The following OPCML variants were observed in gnomAD, a reference collection of about 807,000 sequenced individuals.
The protein encoded by OPCML is opioid-binding protein/cell adhesion molecule.
Under a neutral mutation model 37.8 loss-of-function variants are expected in OPCML, and 13 were observed. The observed-to-expected ratio is 0.34, with a 90% CI of 0.22 to 0.55. OPCML has a LOEUF of 0.55. OPCML is among the 20% of genes least tolerant of loss of function. The pLI is 0.91. For synonymous variants in OPCML, 176 were observed against 168.8 expected (o/e 1.04, Z -0.33); for missense variants, 341 against 435.6 (o/e 0.78, Z 1.93).
intron 4 of OPCML, among the ~76,000 whole-genome samples, chr11:132,447,359 C>T (rs920316234): frequency 5.1e-4 from 77 of 152,224 alleles, no homozygotes; most frequent in African/African-American, 1.7e-3. Flanking sequence ...AGTGCAGTGG[C>T]GCAATCTTGG....
At chr11:132,666,287 T>A (rs928064381) in intron 2 of OPCML, among the ~76,000 whole-genome samples, 1 of 150,532 alleles carries the variant, frequency 6.6e-6, no homozygotes, top group Admixed American at 6.6e-5. Context: ...GAAAGGGGAG[T>A]TGGTATCACA....
chr11:132,469,639 T>C (rs1167170117), intron 4 of OPCML, among the ~76,000 whole-genome samples: 13 of 126,264 alleles, frequency 1.0e-4, no homozygotes, highest in African/African-American at 3.8e-4. Flanking sequence ...TGTGTGTATG[T>C]GTGTGGGGGT....
At chr11:132,450,728 G>A (rs941928515) in intron 4 of OPCML, among the ~76,000 whole-genome samples, 1 of 152,192 alleles carries the variant, frequency 6.6e-6, no homozygotes, top group African/African-American at 2.4e-5. Flanking sequence ...AAAGTAAGAT[G>A]CAGGGTGATT....
At chr11:133,101,754 A>G (rs1334192057) in intron 1 of OPCML, among the ~76,000 whole-genome samples, 1 of 152,186 alleles carries the variant, frequency 6.6e-6, no homozygotes, top group African/African-American at 2.4e-5. Context: ...TGCCCATAAA[A>G]ACGCCTGCAC....
At position 132,784,477 on chromosome 11, in the gene OPCML, T is replaced by G. The variant is rs191297362; in HGVS notation, c.147-127158A>C. On this transcript the variant is annotated intron_variant, in intron 2 of 7. Transcript: ENST00000524381. ...ACTCCTCTGCCTGCCTTTGAGTCTC[T>G]GCCAAAACACAAGTGATGGTGGCTG... Among the ~76,000 whole-genome samples the G allele has an allele frequency of 4.4e-3, 673 of 152,272 alleles. 3 individuals are homozygous for G. The highest frequency in any genetic ancestry group is 0.016 in the African/African-American group (650 of 41,566).
At chr11:133,284,412 G>A (rs1363455544) in intron 1 of OPCML, among the ~76,000 whole-genome samples, 1 of 152,212 alleles carries the variant, frequency 6.6e-6, no homozygotes, top group Non-Finnish European at 1.5e-5. Flanking sequence ...AAGTCATTGT[G>A]AGCTGGGAGG....
At chr11:133,256,812 G>A (rs1434338442) in intron 1 of OPCML, among the ~76,000 whole-genome samples, 1 of 152,128 alleles carries the variant, frequency 6.6e-6, no homozygotes, top group African/African-American at 2.4e-5. Context: ...GGGAGTGACT[G>A]GTATTCTGTA....
chr11:132,519,268 G>A (rs1482838240), intron 4 of OPCML, among the ~76,000 whole-genome samples: 1 of 152,122 alleles, frequency 6.6e-6, no homozygotes, highest in Non-Finnish European at 1.5e-5. Flanking sequence ...GAGGGAAGGT[G>A]GGGGTCAATG....
chr11:132,443,467 G>A (rs548659132), intron 4 of OPCML, among the ~76,000 whole-genome samples: 4 of 152,162 alleles, frequency 2.6e-5, no homozygotes, highest in South Asian at 2.1e-4. Context: ...TATTACAGAC[G>A]ATCCTGATCA....
chr11:133,523,722 C>A lies in OPCML; in HGVS notation c.61+8542G>T, dbSNP rs1411208321. 2.6e-5 allele frequency among the ~76,000 whole-genome samples: 4 copies of A among 152,318 alleles called. No individual in the cohort carries two copies. The South Asian group carries it at 8.3e-4, about 32-fold the overall frequency. ...CCAGCCTCATCTTGGCCCATGCTTT[C>A]TTCCTCTACACTCCAGTCAGGTGGG... On this transcript the variant is annotated intron_variant, in intron 1 of 7. Transcript: ENST00000524381.
intron 1 of OPCML, among the ~76,000 whole-genome samples, chr11:132,969,530 C>A (rs908706396): frequency 6.6e-6 from 1 of 152,054 alleles, no homozygotes; most frequent in Non-Finnish European, 1.5e-5. Context: ...GTTCTGGGAC[C>A]CCCCCTGCAA....
At chr11:133,380,275 AT>A (rs1944903369) in intron 1 of OPCML, among the ~76,000 whole-genome samples, 1 of 152,202 alleles carries the variant, frequency 6.6e-6, no homozygotes, top group Non-Finnish European at 1.5e-5. Context: ...AATAAAGACA[AT>A]TTCAAAAGGC....
At chr11:132,492,850 A>C (rs2137077521) in intron 4 of OPCML, among the ~76,000 whole-genome samples, 1 of 152,318 alleles carries the variant, frequency 6.6e-6, no homozygotes, top group Admixed American at 6.5e-5. Flanking sequence ...CTCAGTAAAT[A>C]TTTTGAATGA....
intron 2 of OPCML, among the ~76,000 whole-genome samples, chr11:132,727,024 C>A (rs1234946094): frequency 2.6e-5 from 4 of 152,158 alleles, no homozygotes; most frequent in African/African-American, 9.7e-5. Context: ...AAGCTCCTCA[C>A]ACACACTGCA....
At chr11:133,300,095 C>G (rs1318524666) in intron 1 of OPCML, 1 of 152,134 alleles carries the variant, frequency 6.6e-6, no homozygotes, top group Non-Finnish European at 1.5e-5. Context: ...GCAGTACAGA[C>G]AGAGGGGAAT....
intron 1 of OPCML, among the ~76,000 whole-genome samples, chr11:133,120,103 A>G (rs1949397697): frequency 6.6e-6 from 1 of 152,178 alleles, no homozygotes; most frequent in African/African-American, 2.4e-5. Context: ...TCAGGTTAAG[A>G]GCTGAGGTCT....
intron 1 of OPCML, among the ~76,000 whole-genome samples, chr11:133,131,997 C>T (rs1465406740): frequency 6.6e-5 from 10 of 152,180 alleles, no homozygotes; most frequent in Middle Eastern, 3.4e-3. Flanking sequence ...TAAAATATAA[C>T]GCTGTAAAAC....
rs1213327206 is a variant in OPCML at position 132,417,630 on chromosome 11, G to A, written c.*2563C>T. ...TTGGAGTGAGGAATAGGTCCAGCTT[G>A]TCCATTTCAAGCACTGTGTTCTCCA... On this transcript the variant is annotated 3_prime_UTR_variant, in exon 8 of 8. Transcript: ENST00000524381. The A allele has an allele frequency of 6.6e-6, 1 of 152,172 alleles. No homozygotes were observed. Among genetic ancestry groups the A allele is most frequent in the Non-Finnish European group, 1.5e-5 (1 of 68,048 alleles). 9.4% of individuals were successfully genotyped at this position (152,172 alleles called of 1,614,324 possible). A position where few individuals can be genotyped will look rare whatever the true frequency, so the allele number is the denominator to read the frequency against.
intron 3 of OPCML, among the ~76,000 whole-genome samples, chr11:132,587,195 G>T (rs2096474771): frequency 6.6e-6 from 1 of 152,164 alleles, no homozygotes; most frequent in Admixed American, 6.5e-5. Flanking sequence ...ACTAATAGAG[G>T]AATCTCCACA....
Sources: allele counts gnomAD v4.1 joint callset (sites outside exome capture counted in the v4.1 genomes callset), GRCh38; gene constraint gnomAD v4.1.1; transcripts MANE v1.5; gene names NCBI Gene and HGNC (gene_info 2026-07-23, HGNC 2026-07-21).